CMC2: variants seen among roughly 807,000 people sequenced by gnomAD.
CMC2 encodes the protein COX assembly mitochondrial protein 2 homolog.
Under a neutral mutation model 7.5 loss-of-function variants are expected in CMC2, and 5 were observed. That is an observed-to-expected ratio of 0.66 (90% CI 0.35 to 1.40). The LOEUF is 1.40. Among genes scored for constraint, CMC2 ranks in the 40% most tolerant of loss-of-function variants. The pLI is 0.04. For synonymous variants in CMC2, 37 were observed against 31.4 expected, an observed-to-expected ratio of 1.18 and a Z score of -0.60; for missense variants, 115 against 92.3, an observed-to-expected ratio of 1.25 and a Z score of -1.01.
At chr16:80,992,542 G>A (rs1295771031) in intron 2 of CMC2, among the ~76,000 whole-genome samples, 1 of 152,092 alleles carries the variant, frequency 6.6e-6, no homozygotes, top group African/African-American at 2.4e-5. Flanking sequence ...TGGCCCCCCT[G>A]CAGATAAGTA....
At chr16:81,005,606 G>T (rs1435970006) in intron 1 of CMC2, among the ~76,000 whole-genome samples, 1 of 103,238 alleles carries the variant, frequency 9.7e-6, no homozygotes, top group African/African-American at 3.0e-5. Context: ...GTTCTAAACC[G>T]ATACCACTAA....
chr16:80,992,994 C>T (rs761905592), intron 2 of CMC2, among the ~76,000 whole-genome samples: 2 of 152,090 alleles, frequency 1.3e-5, no homozygotes, highest in Non-Finnish European at 2.9e-5. Flanking sequence ...GGCACACTTT[C>T]CCCACACCTA....
At chr16:80,987,693 A>G (rs75099873) in intron 2 of CMC2, among the ~76,000 whole-genome samples, 3 of 152,316 alleles carry the variant, frequency 2.0e-5, no homozygotes, top group Middle Eastern at 3.4e-3. Flanking sequence ...TGATAAAAGC[A>G]CAGCAAGGTA....
chr16:80,976,893 T>C (rs1353019474), intron 3 of CMC2, among the ~76,000 whole-genome samples: 1 of 152,146 alleles, frequency 6.6e-6, no homozygotes, highest in African/African-American at 2.4e-5. Context: ...CATCTTTTAA[T>C]ATCTAACCTA....
In CMC2 at chr16:80,966,913, A is replaced by G. The variant is rs1221102816; in HGVS notation, c.*9180T>C. 6.6e-6 allele frequency: 1 copy of G among 152,182 alleles called. No homozygotes were observed. Among genetic ancestry groups the G allele is most frequent in the African/African-American group, 2.4e-5 (1 of 41,444 alleles). The allele number at this position is 152,182 out of a possible 1,614,324, so 9.4% of individuals were successfully genotyped here. ...TCATTGTTTATTTAACTACTGTCCT[A>G]TTCGTAGACATATAGAGCCCGTCTT... On this transcript the variant is annotated 3_prime_UTR_variant, in exon 4 of 4. Coordinates refer to ENST00000219400, the MANE Select transcript of CMC2 (RefSeq NM_020188.5).
At position 80,973,298 on chromosome 16, in the gene CMC2, C is replaced by G. The variant is rs1468784217; in HGVS notation, c.*2795G>C. 2.6e-5 allele frequency: 4 copies of G among 152,208 alleles called. No individual in the cohort carries two copies. Among genetic ancestry groups the G allele is most frequent in the Non-Finnish European group, 5.9e-5 (4 of 68,058 alleles). The allele number at this position is 152,208 out of a possible 1,614,324, so 9.4% of individuals were successfully genotyped here. A position where few individuals can be genotyped will look rare whatever the true frequency, so the allele number is the denominator to read the frequency against. ...ACCCCCTGCCCCATCAGCTGGGGCC[C>G]CACTCAAACGGTATCAGCCCTAGTG... is the stretch of plus-strand genomic sequence containing the variant. On this transcript the variant is annotated 3_prime_UTR_variant, in exon 4 of 4. Transcript: ENST00000219400.
At chr16:80,995,084 T>G (rs1968301568) in intron 2 of CMC2, among the ~76,000 whole-genome samples, 1 of 152,108 alleles carries the variant, frequency 6.6e-6, no homozygotes, top group Non-Finnish European at 1.5e-5. Flanking sequence ...AGGCAGAGGT[T>G]GCAGTGAGCC....
chr16:81,004,951 G>A (rs1969146140), intron 1 of CMC2, among the ~76,000 whole-genome samples: 1 of 152,194 alleles, frequency 6.6e-6, no homozygotes, highest in African/African-American at 2.4e-5. Context: ...GTATTTTAAT[G>A]CCAGTTGGCT....
chr16:80,995,712 A>G (rs1968363778), intron 2 of CMC2, among the ~76,000 whole-genome samples: 2 of 152,208 alleles, frequency 1.3e-5, no homozygotes, highest in Non-Finnish European at 2.9e-5. Flanking sequence ...CTAGAACTGC[A>G]AAATTCATCT....
In CMC2 at chr16:80,974,953, A is replaced by T. The variant is rs149762164; in HGVS notation, c.*1140T>A. 6.6e-6 allele frequency: 1 copy of T among 152,362 alleles called. No homozygotes were observed. Among genetic ancestry groups the T allele is most frequent in the Non-Finnish European group, 1.5e-5 (1 of 68,068 alleles). 9.4% of individuals were successfully genotyped at this position (152,362 alleles called of 1,614,324 possible). ...TGGGGAAGTCACTTATTAAACACCA[A>T]CACCAACAAGGCCTCATGCTGGATA... On this transcript the variant is annotated 3_prime_UTR_variant, in exon 4 of 4. Coordinates refer to ENST00000219400, the MANE Select transcript of CMC2 (RefSeq NM_020188.5).
rs745359055 is a variant in CMC2 at position 80,976,116 on chromosome 16, G to A, written c.217C>T (p.Pro73Ser). 1 of 1,605,522 alleles carries A rather than the reference G, an allele frequency of 6.2e-7. No homozygotes were observed. The highest frequency in any genetic ancestry group is 1.1e-5 in the South Asian group (1 of 90,822). ...ATTTATTTTTCGGATTCCTCTGGAG[G>A]ATTAAAAAGTTTCTTTCGCATTGCA... The part of the protein sequence containing the change: ...GIAMRKKLFN[P>S]PEESEK The change falls in exon 4 of 4, where the codon CCT becomes TCT. Residue 73 changes from proline (P) to serine (S), a missense_variant. Transcript: ENST00000219400.
intron 1 of CMC2, among the ~76,000 whole-genome samples, chr16:81,003,201 G>C (rs759031710): frequency 1.4e-4 from 22 of 152,298 alleles, no homozygotes; most frequent in South Asian, 1.0e-3. Context: ...ATGTAATTAA[G>C]TGCTGATGTC....
At chr16:80,994,218 C>T (rs934769655) in intron 2 of CMC2, among the ~76,000 whole-genome samples, 2 of 152,010 alleles carry the variant, frequency 1.3e-5, no homozygotes, top group South Asian at 2.1e-4. Flanking sequence ...GATAAGAATA[C>T]ACAAATATCA....
intron 3 of CMC2, among the ~76,000 whole-genome samples, chr16:80,981,109 A>G (rs1331019313): frequency 6.6e-6 from 1 of 152,088 alleles, no homozygotes; most frequent in African/African-American, 2.4e-5. Context: ...AAAATAACAA[A>G]AATGATATCT....
intron 3 of CMC2, among the ~76,000 whole-genome samples, chr16:80,978,791 C>T (rs891833169): frequency 1.3e-5 from 2 of 151,902 alleles, no homozygotes; most frequent in Admixed American, 1.3e-4. Flanking sequence ...TACTTAAAAG[C>T]TTCATGGAGG....
chr16:80,989,665 T>G (rs966515199), intron 2 of CMC2, among the ~76,000 whole-genome samples: 5 of 150,246 alleles, frequency 3.3e-5, no homozygotes, highest in African/African-American at 1.2e-4. Flanking sequence ...AAAACATATA[T>G]TGAATATATA....
intron 2 of CMC2, chr16:80,983,981 C>CA (rs201661396): frequency 0.074 from 8,590 of 116,308 alleles, 348 homozygotes; most frequent in East Asian, 0.25. Context: ...AACTCCATCT[C>CA]AAAAAAAAAA....
intron 2 of CMC2, chr16:80,988,496 A>C (rs752187138): frequency 1.9e-5 from 13 of 689,986 alleles, no homozygotes; most frequent in South Asian, 1.9e-4. Flanking sequence ...GAATTTCCAA[A>C]TAGTAACATT....
intron 3 of CMC2, among the ~76,000 whole-genome samples, chr16:80,977,642 G>A (rs145376176): frequency 5.2e-4 from 79 of 152,180 alleles, no homozygotes; most frequent in African/African-American, 1.8e-3. Context: ...TCACTCTTCT[G>A]GACCAGTAAC....
Sources: gnomAD v4.1 joint callset for allele counts (sites outside exome capture counted in the v4.1 genomes callset) on GRCh38, gnomAD v4.1.1 for gene constraint, MANE v1.5 for transcripts, NCBI Gene and HGNC (gene_info 2026-07-23, HGNC 2026-07-21) for gene names.